The following TACR1 variants were observed in gnomAD, a reference collection of about 807,000 sequenced individuals.
TACR1 encodes substance-P receptor.
A neutral mutation model predicts 35.8 loss-of-function variants in TACR1; 25 were observed. The ratio of observed to expected loss-of-function variants is 0.70; its 90% CI spans 0.51 to 0.98. The LOEUF is 0.98. TACR1 is among the 50% of genes least tolerant of loss of function. The probability of loss-of-function intolerance (pLI) is 0.00; values close to 1 mark genes in which losing one functional copy is unlikely to be tolerated. For missense variants in TACR1, 478 were observed against 522.9 expected (o/e 0.91, Z 0.84); for synonymous variants, 195 against 206.7 (o/e 0.94, Z 0.48).
intron 2 of TACR1, among the ~76,000 whole-genome samples, chr2:75,102,226 C>T (rs917030741): frequency 6.6e-6 from 1 of 152,178 alleles, no homozygotes; most frequent in Admixed American, 6.5e-5. Context: ...GGTTATCCAG[C>T]AGCCACATGA....
At chr2:75,087,167 T>G (rs1429332523) in intron 2 of TACR1, among the ~76,000 whole-genome samples, 1 of 152,228 alleles carries the variant, frequency 6.6e-6, no homozygotes, top group Admixed American at 6.5e-5. Flanking sequence ...TATGGATATA[T>G]AGGTTCAACA....
chr2:75,106,258 A>G (rs1180977609), intron 2 of TACR1, among the ~76,000 whole-genome samples: 1 of 152,054 alleles, frequency 6.6e-6, no homozygotes, highest in African/African-American at 2.4e-5. Context: ...CAAAAAAATT[A>G]TTAAAGAGAG....
In TACR1 at chr2:75,080,502, T is replaced by G. The variant is rs557618586; in HGVS notation, c.585-26747A>C. ...TTTTATAGTCTTCCTAGATCAGAAC[T>G]TTGGAAACATATTGAATTGCCCATT... On this transcript the variant is annotated intron_variant, in intron 2 of 4. Coordinates refer to ENST00000305249, the MANE Select transcript of TACR1 (RefSeq NM_001058.4). 2.6e-5 allele frequency among the ~76,000 whole-genome samples: 4 copies of G among 152,306 alleles called. No homozygotes were observed. The South Asian group carries it at 8.3e-4, about 32-fold the overall frequency.
At chr2:75,163,686 A>G (rs777355126) in intron 1 of TACR1, among the ~76,000 whole-genome samples, 21 of 152,216 alleles carry the variant, frequency 1.4e-4, no homozygotes, top group Non-Finnish European at 2.5e-4. Flanking sequence ...TGTTTTCATT[A>G]GAAGTATTTT....
intron 1 of TACR1, among the ~76,000 whole-genome samples, chr2:75,153,386 G>A (rs1674718592): frequency 8.5e-6 from 1 of 117,294 alleles, no homozygotes; most frequent in Non-Finnish European, 2.0e-5. Flanking sequence ...TCAGAAGATA[G>A]TCCTGACACC....
At chr2:75,115,292 A>G (rs1249346562) in intron 2 of TACR1, among the ~76,000 whole-genome samples, 1 of 152,162 alleles carries the variant, frequency 6.6e-6, no homozygotes, top group Admixed American at 6.5e-5. Flanking sequence ...TCCCATTCTC[A>G]TTATTTTCCC....
At chr2:75,069,978 C>G (rs931104008) in intron 2 of TACR1, among the ~76,000 whole-genome samples, 4 of 151,916 alleles carry the variant, frequency 2.6e-5, no homozygotes, top group African/African-American at 9.7e-5. Context: ...GATGAGGAGT[C>G]ATGCTCCTCC....
rs1046547109 is a variant in TACR1, at chr2:75,064,902, G to T, written c.585-11147C>A. ...CACAAAGCTCCTAGTGGTAAGTTAAGGTTCTTACTTAGGGTGGAGAAGAGG... is the reference window on the plus strand; with the variant it reads ...CACAAAGCTCCTAGTGGTAAGTTAATGTTCTTACTTAGGGTGGAGAAGAGG... On this transcript the variant is annotated intron_variant, in intron 2 of 4. Coordinates refer to ENST00000305249, the MANE Select transcript of TACR1 (RefSeq NM_001058.4). Among the ~76,000 whole-genome samples the T allele has an allele frequency of 2.0e-5, 3 of 152,206 alleles. No homozygotes were observed. The East Asian group carries it at 5.8e-4, about 29-fold the overall frequency.
intron 1 of TACR1, among the ~76,000 whole-genome samples, chr2:75,158,834 C>G (rs1030163972): frequency 3.9e-5 from 6 of 152,156 alleles, no homozygotes; most frequent in Admixed American, 6.5e-5. Context: ...CTGTTCCGAA[C>G]TCAAACGGTC....
chr2:75,050,887 T>C (rs1106854), intron 4 of TACR1: 215,500 of 306,232 alleles, frequency 0.7, 76,479 homozygotes, highest in Admixed American at 0.81. Context: ...GCAGAGTGAA[T>C]AAACTCACAG....
At chr2:75,130,691 C>G (rs1278369165) in intron 1 of TACR1, among the ~76,000 whole-genome samples, 1 of 152,188 alleles carries the variant, frequency 6.6e-6, no homozygotes, top group South Asian at 2.1e-4. Flanking sequence ...AGACATCTAC[C>G]TTTTATCACA....
At chr2:75,092,387 TA>T (rs1673329187) in intron 2 of TACR1, among the ~76,000 whole-genome samples, 2 of 152,150 alleles carry the variant, frequency 1.3e-5, no homozygotes, top group Admixed American at 1.3e-4. Context: ...TGCCAGTTAA[TA>T]GGACTTACTC....
chr2:75,061,532 T>C (rs1163788939), intron 2 of TACR1, among the ~76,000 whole-genome samples: 2 of 152,130 alleles, frequency 1.3e-5, no homozygotes, highest in African/African-American at 4.8e-5. Flanking sequence ...CCTCTGTACC[T>C]CTCTGACACA....
At chr2:75,116,841 C>T (rs951634738) in intron 2 of TACR1, among the ~76,000 whole-genome samples, 10 of 151,764 alleles carry the variant, frequency 6.6e-5, no homozygotes, top group South Asian at 2.1e-4. Context: ...ACCCAGGAGG[C>T]GGAGGTTGCA....
At chr2:75,156,717 T>C (rs527722822) in intron 1 of TACR1, among the ~76,000 whole-genome samples, 36 of 152,294 alleles carry the variant, frequency 2.4e-4, no homozygotes, top group African/African-American at 8.2e-4. Context: ...AAAATAATTT[T>C]CTTTTGTTTC....
rs202095119 is a variant in TACR1, at chr2:75,198,712, C to A, written c.223G>T (p.Ala75Ser). ...GCAGCCATGGAGGCCTCCGCGAAGG[C>A]CAGGTTCACCAGAAAATAGTTCGTC... ...TVTNYFLVNL[A>S]FAEASMAAFN... Residue 75 changes from alanine to serine, a missense_variant, in exon 1 of 5, where the codon GCC becomes TCC. Ala to Ser is a moderately conservative substitution (Grantham distance 99). Coordinates refer to ENST00000305249, the MANE Select transcript of TACR1 (RefSeq NM_001058.4). 1.9e-6 allele frequency: 3 copies of A among 1,614,194 alleles called. No homozygotes were observed. The highest frequency in any genetic ancestry group is 1.7e-6 in the Non-Finnish European group (2 of 1,180,026).
intron 2 of TACR1, among the ~76,000 whole-genome samples, chr2:75,075,208 C>G (rs895393186): frequency 6.6e-6 from 1 of 152,122 alleles, no homozygotes; most frequent in African/African-American, 2.4e-5. Flanking sequence ...CAGATTAAGA[C>G]CACAATAGGA....
chr2:75,130,461 G>C (rs1388958978), intron 1 of TACR1, among the ~76,000 whole-genome samples: 1 of 152,228 alleles, frequency 6.6e-6, no homozygotes, highest in Non-Finnish European at 1.5e-5. Flanking sequence ...TGGAGAGTAT[G>C]AAGATTATTT....
intron 2 of TACR1, among the ~76,000 whole-genome samples, chr2:75,063,917 A>G (rs1199157286): frequency 6.6e-6 from 1 of 152,206 alleles, no homozygotes; most frequent in East Asian, 1.9e-4. Flanking sequence ...AGAAGGTTAG[A>G]GAATGGTCTC....
Sources: allele counts gnomAD v4.1 joint callset (sites outside exome capture counted in the v4.1 genomes callset), GRCh38; gene constraint gnomAD v4.1.1; transcripts MANE v1.5; gene names NCBI Gene and HGNC (gene_info 2026-07-23, HGNC 2026-07-21).